The following TMEM17 variants were observed in gnomAD, a reference collection of about 807,000 sequenced individuals.
TMEM17 encodes transmembrane protein 17.
TMEM17 carries 15 observed loss-of-function variants against 19.1 expected under a neutral mutation model. That is an observed-to-expected ratio of 0.78 (90% CI 0.52 to 1.21). TMEM17 has a LOEUF of 1.21. Ranked by LOEUF, TMEM17 falls within the 50% of genes most tolerant of loss-of-function variation. The pLI is 0.00. For missense variants in TMEM17, 245 were observed against 242.3 expected (o/e 1.01, Z -0.07); for synonymous variants, 103 against 86.9 (o/e 1.19, Z -1.03).
At chr2:62,468,503 CT>C in the TMEM17 span, among the ~76,000 whole-genome samples, 2 of 152,208 alleles carry the variant, frequency 1.3e-5, no homozygotes, top group Non-Finnish European at 2.9e-5. Context: ...CTGACTTGAG[CT>C]GTTGATGTTT....
intron 3 of TMEM17, 108 bp from the exon 4 acceptor site, chr2:62,501,595 G>A (rs939186769): frequency 9.1e-7 from 1 of 1,104,774 alleles, no homozygotes; most frequent in Middle Eastern, 2.3e-4. Context: ...TGGGCTCTGT[G>A]AGTGATTCCA....
chr2:62,471,863 C>T, the TMEM17 span, among the ~76,000 whole-genome samples: 2 of 152,232 alleles, frequency 1.3e-5, no homozygotes, highest in African/African-American at 4.8e-5. Flanking sequence ...AACTCTTCTC[C>T]ACGGGCTGCT....
At chr2:62,488,287 CAGAT>C in the TMEM17 span, among the ~76,000 whole-genome samples, 1 of 152,194 alleles carries the variant, frequency 6.6e-6, no homozygotes, top group African/African-American at 2.4e-5. Context: ...AATTTTAACA[CAGAT>C]AGCTACTGTA....
At chr2:62,485,338 A>G in the TMEM17 span, among the ~76,000 whole-genome samples, 2 of 152,194 alleles carry the variant, frequency 1.3e-5, no homozygotes, top group Admixed American at 1.3e-4. Context: ...TTCTTCCCCC[A>G]CTTCTTTCTC....
the TMEM17 span, among the ~76,000 whole-genome samples, chr2:62,488,712 C>T: frequency 1.3e-5 from 2 of 151,400 alleles, no homozygotes; most frequent in African/African-American, 4.9e-5. Context: ...AAACAAAAAT[C>T]TCCAACCTAC....
Position 62,502,681 on chromosome 2 carries a change from T to C in TMEM17, c.204+10A>G. 1.3e-6 allele frequency: 2 copies of C among 1,579,246 alleles called. No homozygotes were observed. The highest frequency in any genetic ancestry group is 1.7e-6 in the Non-Finnish European group (2 of 1,164,678). On this transcript the variant is annotated intron_variant, in intron 2 of 3. Transcript: ENST00000335390. ...GTCAGGGCAGCAAAAGTATTAAAGC[T>C]TAGATTTACCTTCATGTGAAGCATC...
At chr2:62,490,572 C>G in the TMEM17 span, among the ~76,000 whole-genome samples, 1 of 151,936 alleles carries the variant, frequency 6.6e-6, no homozygotes, top group Admixed American at 6.6e-5. Context: ...TCTTTTAAAA[C>G]CTTATTATAA....
chr2:62,495,812 C>T (rs1002708928), downstream of TMEM17, among the ~76,000 whole-genome samples: 2 of 152,140 alleles, frequency 1.3e-5, no homozygotes, highest in African/African-American at 4.8e-5. Context: ...GCTATGTTTC[C>T]AATCTTGGCT....
rs775580052 is a variant in TMEM17 at position 62,501,428 on chromosome 2, A to G, written c.378T>C (p.Leu126=). The G allele has an allele frequency of 1.9e-6, 3 of 1,614,218 alleles. No individual in the cohort carries two copies. The South Asian group carries it at 3.3e-5, about 18-fold the overall frequency. ...TTAGGCCTTCATTAAAGAGCAAGAA[A>G]AGAATTAAAGGTAACTGCAATAGAA... ...LSLLLQLPLI[L]FLLFNEGLTN... Residue 126 remains leucine, a synonymous_variant, in exon 4 of 4, where the codon CTT becomes CTC. Coordinates refer to ENST00000335390, the MANE Select transcript of TMEM17 (RefSeq NM_198276.3).
the TMEM17 span, among the ~76,000 whole-genome samples, chr2:62,475,559 T>G: frequency 6.6e-6 from 1 of 152,216 alleles, no homozygotes; most frequent in African/African-American, 2.4e-5. Flanking sequence ...CCAGACCCCA[T>G]ATAAACAGGA....
the TMEM17 span, among the ~76,000 whole-genome samples, chr2:62,476,563 T>C: frequency 6.6e-6 from 1 of 152,224 alleles, no homozygotes; most frequent in Non-Finnish European, 1.5e-5. Context: ...AAACCCATTG[T>C]AAAGTTGAAA....
the TMEM17 span, among the ~76,000 whole-genome samples, chr2:62,459,586 AACTAACTTATTTTACAC>A: frequency 1.3e-5 from 2 of 152,232 alleles, no homozygotes; most frequent in Non-Finnish European, 2.9e-5. Context: ...AATCACTACA[AACTAACTTATTTTACAC>A]ACTAACTTAT....
chr2:62,471,889 T>C, the TMEM17 span, among the ~76,000 whole-genome samples: 1 of 152,272 alleles, frequency 6.6e-6, no homozygotes, highest in South Asian at 2.1e-4. Flanking sequence ...TAGTCGTCTA[T>C]GGTGTTTCAG....
the TMEM17 span, among the ~76,000 whole-genome samples, chr2:62,454,405 G>T: frequency 6.6e-6 from 1 of 152,192 alleles, no homozygotes; most frequent in African/African-American, 2.4e-5. Flanking sequence ...CCCTGGTAAA[G>T]GTATGAGGCA....
chr2:62,467,675 G>C, the TMEM17 span, among the ~76,000 whole-genome samples: 1 of 152,116 alleles, frequency 6.6e-6, no homozygotes, highest in African/African-American at 2.4e-5. Context: ...AAAGTCAGCG[G>C]CTCTGTTTTC....
the TMEM17 span, among the ~76,000 whole-genome samples, chr2:62,457,687 C>T: frequency 6.6e-6 from 1 of 152,144 alleles, no homozygotes; most frequent in Non-Finnish European, 1.5e-5. The surrounding 1 kb of genome is among the most constrained non-coding windows in gnomAD (Gnocchi z 4.2). Context: ...TCCTCAGCGT[C>T]CAGCACCTGT....
intron 1 of TMEM17, 102 bp from the exon 2 acceptor site, chr2:62,502,896 T>A: frequency 1.8e-6 from 1 of 568,654 alleles, no homozygotes; most frequent in Non-Finnish European, 2.8e-6. Context: ...ATTGGCTCAG[T>A]AAAACACCAA....
the TMEM17 span, among the ~76,000 whole-genome samples, chr2:62,471,946 A>T: frequency 0.021 from 3,177 of 152,306 alleles, 39 homozygotes; most frequent in Non-Finnish European, 0.03. Flanking sequence ...GCCTTTATCT[A>T]TATTGGAAGA....
chr2:62,484,099 G>A, the TMEM17 span, among the ~76,000 whole-genome samples: 2 of 152,224 alleles, frequency 1.3e-5, no homozygotes, highest in Non-Finnish European at 2.9e-5. Flanking sequence ...CAAAGCTTAA[G>A]AAAGTTAATT....
Sources: gnomAD v4.1 joint callset for allele counts (sites outside exome capture counted in the v4.1 genomes callset) on GRCh38, gnomAD v4.1.1 for gene constraint, Gnocchi (gnomAD v3.1) non-coding constraint, MANE v1.5 for transcripts, NCBI Gene and HGNC (gene_info 2026-07-23, HGNC 2026-07-21) for gene names.